OTOGL: variants seen among roughly 807,000 people sequenced by gnomAD.
The protein encoded by OTOGL is otogelin like.
In OTOGL, 285 loss-of-function variants were observed where a neutral mutation model predicts 318.5. That is an observed-to-expected ratio of 0.89 (90% CI 0.81 to 0.99). The LOEUF (loss-of-function observed/expected upper bound fraction) is 0.99, where lower values mean the gene tolerates loss of function less well. OTOGL is among the 50% of genes least tolerant of loss of function. The pLI, the probability that OTOGL is intolerant of heterozygous loss-of-function variation, is 0.00. For synonymous variants in OTOGL, 987 were observed against 936.5 expected (o/e 1.05, Z -0.99); for missense variants, 2,899 against 2,845.6 (o/e 1.02, Z -0.43).
At chr12:80,198,562 G>A (rs1208002985) in intron 1 of OTOGL, among the ~76,000 whole-genome samples, 3 of 152,026 alleles carry the variant, frequency 2.0e-5, no homozygotes, top group Non-Finnish European at 2.9e-5. Flanking sequence ...CCAGCTTGGC[G>A]ACAGAGCAAG....
chr12:80,238,745 T>C, intron 9 of OTOGL, 106 bp from the exon 10 acceptor site: 2 of 1,228,354 alleles, frequency 1.6e-6, no homozygotes, highest in Non-Finnish European at 2.1e-6. Flanking sequence ...TTACTGAGTT[T>C]AATGTTTTGA....
rs556705342 is a variant in OTOGL at position 80,239,291 on chromosome 12, C to T, written c.946-42C>T. 48 of 1,388,650 alleles carry T rather than the reference C, an allele frequency of 3.5e-5. No homozygotes were observed. The African/African-American group carries it at 4.9e-4, about 14-fold the overall frequency. The allele number at this position is 1,388,650 out of a possible 1,614,324, so 86.0% of individuals were successfully genotyped here. ...AAAATAATAGAAGACTATACACATA[C>T]CATGAAACATAGTCTAGTGACTGCC... On this transcript the variant is annotated intron_variant, in intron 10 of 58. Coordinates refer to ENST00000547103, the MANE Select transcript of OTOGL (RefSeq NM_001378609.3).
rs1887523142 is a variant in OTOGL at position 80,324,007 on chromosome 12, C to A, written c.4199+167C>A. Among the ~76,000 whole-genome samples, 4 of 152,182 alleles carry A rather than the reference C, an allele frequency of 2.6e-5. No individual in the cohort carries two copies. The South Asian group carries it at 8.3e-4, about 32-fold the overall frequency. Reference sequence around the variant, plus strand: ...TCAAGAAGTAGTTATTGAGAGCCTACTATGTGGCAGGCAATCTTCTTGCTG... The same window carrying A: ...TCAAGAAGTAGTTATTGAGAGCCTAATATGTGGCAGGCAATCTTCTTGCTG... On this transcript the variant is annotated intron_variant, in intron 35 of 58. Transcript: ENST00000547103.
chr12:80,324,627 G>A (rs1360580341), intron 35 of OTOGL, among the ~76,000 whole-genome samples: 1 of 152,158 alleles, frequency 6.6e-6, no homozygotes, highest in Non-Finnish European at 1.5e-5. Context: ...GGCTGTTGGA[G>A]GAGAGGAGGA....
intron 44 of OTOGL, among the ~76,000 whole-genome samples, chr12:80,345,251 A>G (rs1889120825): frequency 6.9e-6 from 1 of 145,568 alleles, no homozygotes; most frequent in South Asian, 2.1e-4. Context: ...TTTTTTGAAG[A>G]GTCTTGCTCT....
At chr12:80,131,451 A>T (rs2137120842) in intron 1 of OTOGL, among the ~76,000 whole-genome samples, 1 of 152,340 alleles carries the variant, frequency 6.6e-6, no homozygotes, top group Non-Finnish European at 1.5e-5. Context: ...ATACTCCAAA[A>T]AGGACTTTGC....
chr12:80,271,566 C>A, intron 23 of OTOGL, 82 bp from the exon 24 acceptor site: 2 of 1,342,952 alleles, frequency 1.5e-6, no homozygotes, highest in South Asian at 1.5e-5. Context: ...TTAGAATAAA[C>A]CTATTTTATG....
chr12:80,367,534 C>T, intron 53 of OTOGL, 27 bp from the exon 54 acceptor site: 1 of 1,431,738 alleles, frequency 7.0e-7, no homozygotes, highest in Middle Eastern at 2.4e-4. Context: ...AGTATATTTT[C>T]TTATTGACTA....
chr12:80,258,317 C>T (rs569996728), intron 18 of OTOGL, among the ~76,000 whole-genome samples: 16 of 152,132 alleles, frequency 1.1e-4, no homozygotes, highest in Non-Finnish European at 2.1e-4. Flanking sequence ...TCTTCTCTGC[C>T]ATCTACCAAC....
At position 80,377,880 on chromosome 12, in the gene OTOGL, A is replaced by C. The variant is rs753031676; in HGVS notation, c.6894A>C (p.Pro2298=). Residue 2298 remains proline (P), a synonymous_variant, in exon 59 of 59, where the codon CCA becomes CCC. Transcript: ENST00000547103. ...INVASCDGKC[P]SATIYNINIE... ...TTGCATCTTGTGACGGCAAATGCCCATCAGCTACCATATATAACATCAATA... is the reference window on the plus strand; with the variant it reads ...TTGCATCTTGTGACGGCAAATGCCCCTCAGCTACCATATATAACATCAATA... 1 of 1,611,548 alleles carries C rather than the reference A, an allele frequency of 6.2e-7. No individual in the cohort carries two copies. The highest frequency in any genetic ancestry group is 2.2e-5 in the East Asian group (1 of 44,816).
chr12:80,349,852 T>G lies in OTOGL; in HGVS notation c.5266-2443T>G, dbSNP rs1889432866. On this transcript the variant is annotated intron_variant, in intron 44 of 58. Transcript: ENST00000547103. ...TATGTGTTTACTGTGTACAACGTGGTGTTTTGAAGTGTCTATACATTGTGG... is the reference window on the plus strand; with the variant it reads ...TATGTGTTTACTGTGTACAACGTGGGGTTTTGAAGTGTCTATACATTGTGG... Among the ~76,000 whole-genome samples the G allele has an allele frequency of 4.6e-5, 7 of 152,350 alleles. No homozygotes were observed. The South Asian group carries it at 1.4e-3, about 32-fold the overall frequency.
At chr12:80,137,126 T>A (rs1346193529) in intron 1 of OTOGL, among the ~76,000 whole-genome samples, 2 of 152,190 alleles carry the variant, frequency 1.3e-5, no homozygotes, top group Non-Finnish European at 2.9e-5. Flanking sequence ...GTTTAAAATA[T>A]AATCAACAGG....
intron 44 of OTOGL, among the ~76,000 whole-genome samples, chr12:80,349,830 G>A (rs1889430840): frequency 6.6e-6 from 1 of 152,146 alleles, no homozygotes; most frequent in Non-Finnish European, 1.5e-5. Context: ...AAAATTGTAT[G>A]TGTTTACTGT....
At chr12:80,189,586 G>A (rs1052346409) in intron 1 of OTOGL, 2 of 587,492 alleles carry the variant, frequency 3.4e-6, no homozygotes, top group Non-Finnish European at 4.3e-6. Context: ...AAGACCAAAA[G>A]AGATAGATTG....
chr12:80,351,435 C>T (rs368004151), intron 44 of OTOGL, among the ~76,000 whole-genome samples: 60 of 152,224 alleles, frequency 3.9e-4, no homozygotes, highest in African/African-American at 1.4e-3. Flanking sequence ...CCTGCCTCAG[C>T]CTCTGGAGTA....
chr12:80,146,609 A>T (rs1872381998), intron 1 of OTOGL, among the ~76,000 whole-genome samples: 3 of 151,776 alleles, frequency 2.0e-5, no homozygotes, highest in South Asian at 4.1e-4. Context: ...TTTTCTATTG[A>T]TTGGAATAGT....
At chr12:80,340,037 G>T (rs1262674604) in intron 43 of OTOGL, among the ~76,000 whole-genome samples, 1 of 152,094 alleles carries the variant, frequency 6.6e-6, no homozygotes, top group African/African-American at 2.4e-5. Flanking sequence ...TTTCAAGATT[G>T]TTTGGATTAC....
At chr12:80,231,485 T>C (rs1227964894) in intron 8 of OTOGL, among the ~76,000 whole-genome samples, 1 of 152,180 alleles carries the variant, frequency 6.6e-6, no homozygotes, top group Non-Finnish European at 1.5e-5. Flanking sequence ...TTTTGTAGTT[T>C]TTGGTCCATT....
At chr12:80,209,740 T>C (rs1565900908) in intron 2 of OTOGL, among the ~76,000 whole-genome samples, 1 of 152,150 alleles carries the variant, frequency 6.6e-6, no homozygotes, top group Non-Finnish European at 1.5e-5. Context: ...ATGCTTTTAT[T>C]ATGATATGCA....
Sources: gnomAD v4.1 joint callset for allele counts (sites outside exome capture counted in the v4.1 genomes callset) on GRCh38, gnomAD v4.1.1 for gene constraint, MANE v1.5 for transcripts, NCBI Gene and HGNC (gene_info 2026-07-23, HGNC 2026-07-21) for gene names.